The following PFDN1 variants were observed in gnomAD, a reference collection of about 807,000 sequenced individuals.
PFDN1 encodes the protein prefoldin 1.
A neutral mutation model predicts 17.3 loss-of-function variants in PFDN1; 6 were observed. The ratio of observed to expected loss-of-function variants is 0.35; its 90% CI spans 0.19 to 0.69. The LOEUF is 0.69. Ranked by LOEUF, PFDN1 falls within the 30% of genes least tolerant of loss-of-function variation. PFDN1 has a pLI of 0.65. For missense variants in PFDN1, 113 were observed against 146.2 expected, an observed-to-expected ratio of 0.77 and a Z score of 1.17; for synonymous variants, 58 against 50.1, an observed-to-expected ratio of 1.16 and a Z score of -0.67.
At chr5:140,250,917 T>C (rs1325200776) in intron 3 of PFDN1, among the ~76,000 whole-genome samples, 1 of 152,228 alleles carries the variant, frequency 6.6e-6, no homozygotes, top group Non-Finnish European at 1.5e-5. Flanking sequence ...TAGCTTGATT[T>C]AATTATTCTA....
intron 3 of PFDN1, among the ~76,000 whole-genome samples, chr5:140,270,169 T>A (rs528224068): frequency 6.6e-6 from 1 of 152,274 alleles, no homozygotes; most frequent in East Asian, 1.9e-4. Flanking sequence ...AAGTATGTAA[T>A]GACATGAAAG....
chr5:140,259,687 A>T (rs1765036143), intron 3 of PFDN1, among the ~76,000 whole-genome samples: 1 of 152,198 alleles, frequency 6.6e-6, no homozygotes, highest in Non-Finnish European at 1.5e-5. Flanking sequence ...GTGCCTGCTG[A>T]GAGAGGAAGT....
chr5:140,283,393 T>C (rs915245177), intron 2 of PFDN1, among the ~76,000 whole-genome samples: 4 of 152,040 alleles, frequency 2.6e-5, no homozygotes, highest in Non-Finnish European at 4.4e-5. Flanking sequence ...CCACCACGCC[T>C]GGCTAATTTT....
chr5:140,289,859 T>C (rs958587870), intron 2 of PFDN1, among the ~76,000 whole-genome samples: 3 of 152,150 alleles, frequency 2.0e-5, no homozygotes, highest in Non-Finnish European at 2.9e-5. Flanking sequence ...ATATCCTCCT[T>C]ATATTTCTAA....
In PFDN1 at chr5:140,245,890, A is replaced by G. The variant is rs980380555; in HGVS notation, c.*84T>C. The G allele has an allele frequency of 4.7e-5, 36 of 768,406 alleles. No individual in the cohort carries two copies. The highest frequency in any genetic ancestry group is 7.1e-5 in the Non-Finnish European group (31 of 437,508). The allele number at this position is 768,406 out of a possible 1,614,324, so 47.6% of individuals were successfully genotyped here. ...CCAAATAAAGCATCCATCGGGGCAG[A>G]GGAGAAGCTGTTTCCCTGCAGACAC... On this transcript the variant is annotated 3_prime_UTR_variant, in exon 4 of 4. Coordinates refer to ENST00000261813, the MANE Select transcript of PFDN1 (RefSeq NM_002622.5).
intron 1 of PFDN1, among the ~76,000 whole-genome samples, chr5:140,300,907 T>C (rs561472990): frequency 3.5e-4 from 54 of 152,266 alleles, no homozygotes; most frequent in African/African-American, 1.2e-3. Flanking sequence ...ACAAGAACCA[T>C]AAAAGTAATA....
intron 3 of PFDN1, among the ~76,000 whole-genome samples, chr5:140,280,259 A>ATT (rs11385240): frequency 6.6e-6 from 1 of 151,722 alleles, no homozygotes; most frequent in Non-Finnish European, 1.5e-5. Flanking sequence ...GCAAAAATGC[A>ATT]TTTTGTTTTA....
At position 140,273,176 on chromosome 5, in the gene PFDN1, C is replaced by T. The variant is rs185217441; in HGVS notation, c.285+8273G>A. Among the ~76,000 whole-genome samples the T allele has an allele frequency of 1.5e-3, 225 of 147,860 alleles. 1 individual carries two copies. The highest frequency in any genetic ancestry group is 0.014 in the Middle Eastern group (4 of 280). ...AGAAGAATCGCTTGAACCCAGGAGG[C>T]GGAGGTTGCAGTGAGCCGAGATCGT... On this transcript the variant is annotated intron_variant, in intron 3 of 3. Coordinates refer to ENST00000261813, the MANE Select transcript of PFDN1 (RefSeq NM_002622.5).
intron 3 of PFDN1, among the ~76,000 whole-genome samples, chr5:140,263,248 C>G (rs907617606): frequency 6.6e-6 from 1 of 152,240 alleles, no homozygotes; most frequent in African/African-American, 2.4e-5. Context: ...GTAAGTTTAA[C>G]AGACAGACTC....
intron 3 of PFDN1, among the ~76,000 whole-genome samples, chr5:140,267,807 C>T (rs113603601): frequency 1.3e-4 from 20 of 151,576 alleles, no homozygotes; most frequent in African/African-American, 3.4e-4. Context: ...AATCATTTTC[C>T]GTGTCTTTAT....
intron 2 of PFDN1, among the ~76,000 whole-genome samples, chr5:140,290,313 C>T (rs1306398821): frequency 2.0e-5 from 3 of 152,156 alleles, no homozygotes; most frequent in African/African-American, 7.2e-5. Context: ...TGGAAAGGTG[C>T]TCCCATGAAG....
chr5:140,253,241 G>A (rs1489428778), intron 3 of PFDN1, among the ~76,000 whole-genome samples: 2 of 152,106 alleles, frequency 1.3e-5, no homozygotes, highest in South Asian at 2.1e-4. Context: ...TCAGCTAAGC[G>A]CTGACCTGTT....
At chr5:140,258,440 TAAAAAA>T (rs562501324) in intron 3 of PFDN1, among the ~76,000 whole-genome samples, 4 of 120,954 alleles carry the variant, frequency 3.3e-5, no homozygotes, top group Non-Finnish European at 3.4e-5. Flanking sequence ...GCTGTACTGT[TAAAAAA>T]AAAAAAAAAA....
At chr5:140,262,494 G>C in intron 3 of PFDN1, 1 of 455,872 alleles carries the variant, frequency 2.2e-6, no homozygotes, top group South Asian at 1.5e-5. Context: ...AGAATCCATG[G>C]CTATTAGAAA....
chr5:140,276,014 ATTG>A (rs1055673931), intron 3 of PFDN1, among the ~76,000 whole-genome samples: 1 of 144,940 alleles, frequency 6.9e-6, no homozygotes, highest in African/African-American at 2.6e-5. Flanking sequence ...CAGAAGAGAA[ATTG>A]ATGATGATGA....
In PFDN1 at chr5:140,254,933, A is replaced by G. The variant is rs1400336294; in HGVS notation, c.286-8876T>C. Among the ~76,000 whole-genome samples the G allele has an allele frequency of 6.6e-6, 1 of 152,194 alleles. No individual in the cohort carries two copies. The highest frequency in any genetic ancestry group is 1.5e-5 in the Non-Finnish European group (1 of 68,034). On this transcript the variant is annotated intron_variant, in intron 3 of 3. Transcript: ENST00000261813. The surrounding 1 kb of genome is among the most constrained non-coding windows in gnomAD (Gnocchi z 4.4). ...CTCCCTCTGTTGCACTTACCTGGGA[A>G]AATGCCAACCCAGATTAAACTCAAC...
At chr5:140,292,493 A>G (rs1765594610) in intron 2 of PFDN1, among the ~76,000 whole-genome samples, 1 of 152,176 alleles carries the variant, frequency 6.6e-6, no homozygotes, top group Non-Finnish European at 1.5e-5. Context: ...TTATCTATTT[A>G]AAGATACATT....
At chr5:140,299,395 A>G (rs1268099209) in intron 2 of PFDN1, among the ~76,000 whole-genome samples, 1 of 151,874 alleles carries the variant, frequency 6.6e-6, no homozygotes, top group East Asian at 1.9e-4. Context: ...AAGAGGAGAG[A>G]TTGAGACCAT....
rs1449518786 is a variant in PFDN1 at position 140,254,422 on chromosome 5, G to C, written c.286-8365C>G. Among the ~76,000 whole-genome samples, 1 of 151,986 alleles carries C rather than the reference G, an allele frequency of 6.6e-6. No individual in the cohort carries two copies. Among genetic ancestry groups the C allele is most frequent in the Non-Finnish European group, 1.5e-5 (1 of 67,998 alleles). On this transcript the variant is annotated intron_variant, in intron 3 of 3. Transcript: ENST00000261813. This position sits in a 1 kb window ranked among gnomAD's most constrained non-coding sequence, Gnocchi z 4.4. ...CCCTCCTTTATCCTTCATAAACCCT[G>C]GTCCTTGAAGTTCATGGCATCATGC...
Sources: allele counts gnomAD v4.1 joint callset (sites outside exome capture counted in the v4.1 genomes callset), GRCh38; gene constraint gnomAD v4.1.1; non-coding constraint Gnocchi (gnomAD v3.1); transcripts MANE v1.5; gene names NCBI Gene and HGNC (gene_info 2026-07-23, HGNC 2026-07-21).